The following NUDT7 variants were observed in gnomAD, a reference collection of about 807,000 sequenced individuals.
The protein encoded by NUDT7 is peroxisomal coenzyme A diphosphatase NUDT7.
A neutral mutation model predicts 13.1 loss-of-function variants in NUDT7; 19 were observed. That is an observed-to-expected ratio of 1.45 (90% CI 1.01 to 2.13). The LOEUF (loss-of-function observed/expected upper bound fraction) is 2.13. NUDT7 is among the 30% of genes most tolerant of loss of function. The probability of loss-of-function intolerance (pLI) is 0.00; values close to 1 mark genes in which losing one functional copy is unlikely to be tolerated. For missense variants in NUDT7, 360 were observed against 291.7 expected (o/e 1.23, Z -1.71); for synonymous variants, 132 against 109.7 (o/e 1.20, Z -1.27).
At chr16:77,738,655 A>T (rs1451985557) in intron 3 of NUDT7, among the ~76,000 whole-genome samples, 1 of 151,804 alleles carries the variant, frequency 6.6e-6, no homozygotes, top group Admixed American at 6.6e-5. Context: ...GCTCACTGCA[A>T]CCTCCACCTC....
At position 77,725,478 on chromosome 16, in the gene NUDT7, T is replaced by G; in HGVS notation, c.83T>G (p.Ile28Ser). 1.2e-6 allele frequency: 2 copies of G among 1,613,906 alleles called. No individual in the cohort carries two copies. Among genetic ancestry groups the G allele is most frequent in the Non-Finnish European group, 1.7e-6 (2 of 1,179,856 alleles). Reference sequence around the variant, plus strand: ...AAGGCCCGCTTAAGAAAGTATGATATTGGAGGCAAATATTCTCACTTGCCA... The same window carrying G: ...AAGGCCCGCTTAAGAAAGTATGATAGTGGAGGCAAATATTCTCACTTGCCA... The part of the protein sequence containing the change: ...DAKARLRKYD[I>S]GGKYSHLPYN... The change falls in exon 2 of 4, where the codon ATT becomes AGT. Residue 28 changes from isoleucine to serine, a missense_variant. Ile to Ser is a moderately radical substitution (Grantham distance 142, BLOSUM62 -2). Transcript: ENST00000268533.
chr16:77,737,011 G>A (rs1257997858), intron 3 of NUDT7, among the ~76,000 whole-genome samples: 1 of 151,480 alleles, frequency 6.6e-6, no homozygotes, highest in East Asian at 1.9e-4. Context: ...GAAACCATAG[G>A]AAACTAGACC....
At position 77,735,974 on chromosome 16, in the gene NUDT7, A is replaced by G. The variant is rs1269440200; in HGVS notation, c.336A>G (p.Pro112=). Residue 112 remains proline, a synonymous_variant, in exon 3 of 4, where the codon CCA becomes CCG. Transcript: ENST00000268533. ...HQVEVVCCLV[P]CLIDTDTLIT... ...TGGAAGTTGTCTGCTGCCTGGTGCC[A>G]TGTCTTATTGATGTAAGGGTTTCCT... is the stretch of plus-strand genomic sequence containing the variant. The G allele has an allele frequency of 2.5e-6, 4 of 1,613,888 alleles. No individual in the cohort carries two copies. The African/African-American group carries it at 4.0e-5, about 16-fold the overall frequency.
At chr16:77,725,810 C>A (rs553684651) in intron 2 of NUDT7, among the ~76,000 whole-genome samples, 1 of 152,224 alleles carries the variant, frequency 6.6e-6, no homozygotes, top group Non-Finnish European at 1.5e-5. Context: ...AACGCTTTCA[C>A]ACTAGGGTTA....
chr16:77,739,538 A>T (rs1271969904), intron 3 of NUDT7, among the ~76,000 whole-genome samples: 1 of 152,146 alleles, frequency 6.6e-6, no homozygotes, highest in East Asian at 1.9e-4. Context: ...TTTCATTGCC[A>T]TCTTGGTTTT....
At chr16:77,725,704 G>A (rs2014114433) in intron 2 of NUDT7, 120 bp downstream of exon 2, 2 of 829,984 alleles carry the variant, frequency 2.4e-6, no homozygotes, top group South Asian at 1.9e-5. Context: ...AAATTGTGAT[G>A]TCAGAGGCAT....
rs114400696 is a variant in NUDT7, at chr16:77,733,326, G to T, written c.190-2502G>T. On this transcript the variant is annotated intron_variant, in intron 2 of 3. Transcript: ENST00000268533. Reference sequence around the variant, plus strand: ...CCAGAAGATTTGGAGTCTGGTGAGGGCCCTGTTTCAGTTCATAGATAGTCA... The same window carrying T: ...CCAGAAGATTTGGAGTCTGGTGAGGTCCCTGTTTCAGTTCATAGATAGTCA... 4.8e-3 allele frequency among the ~76,000 whole-genome samples: 737 copies of T among 152,298 alleles called. 2 individuals carry two copies. The highest frequency in any genetic ancestry group is 0.014 in the African/African-American group (584 of 41,566).
intron 1 of NUDT7, among the ~76,000 whole-genome samples, chr16:77,723,859 C>G (rs550100568): frequency 2.6e-4 from 39 of 152,074 alleles, no homozygotes; most frequent in African/African-American, 8.0e-4. Context: ...CCCAAAGTGC[C>G]GGGATTACAG....
intron 3 of NUDT7, among the ~76,000 whole-genome samples, chr16:77,741,007 A>G (rs748455214): frequency 3.3e-5 from 5 of 152,238 alleles, no homozygotes; most frequent in Non-Finnish European, 7.3e-5. Flanking sequence ...CATAAATGGG[A>G]ATATGTCATA....
Position 77,742,240 on chromosome 16 carries a change from A to G in NUDT7, c.*290A>G. ...ATCTGGCACATACTAGGCCCTTAAT[A>G]AAGATTTTTTGAATATATAACCATG... On this transcript the variant is annotated 3_prime_UTR_variant, in exon 4 of 4. Transcript: ENST00000268533. 2 of 713,790 alleles carry G rather than the reference A, an allele frequency of 2.8e-6. No individual in the cohort carries two copies. The highest frequency in any genetic ancestry group is 3.6e-6 in the Non-Finnish European group (2 of 554,202). 44.2% of individuals were successfully genotyped at this position (713,790 alleles called of 1,614,324 possible).
intron 2 of NUDT7, among the ~76,000 whole-genome samples, chr16:77,731,370 C>T (rs1218171060): frequency 1.3e-5 from 2 of 152,020 alleles, no homozygotes; most frequent in African/African-American, 4.8e-5. Context: ...ACAATGGTGG[C>T]CCCAAAAGAT....
intron 1 of NUDT7, 33 bp downstream of exon 1, chr16:77,722,650 T>C (rs1378471976): frequency 1.3e-6 from 2 of 1,574,778 alleles, no homozygotes; most frequent in Non-Finnish European, 1.7e-6. Context: ...CACCCCGAGC[T>C]TGGTCAGGCC....
At chr16:77,737,203 C>T (rs2014514376) in intron 3 of NUDT7, among the ~76,000 whole-genome samples, 1 of 152,178 alleles carries the variant, frequency 6.6e-6, no homozygotes, top group African/African-American at 2.4e-5. Context: ...CTACTAATGT[C>T]CTTTCTGTCC....
chr16:77,736,563 C>T (rs554377332), intron 3 of NUDT7: 2 of 183,402 alleles, frequency 1.1e-5, no homozygotes, highest in East Asian at 1.3e-4. Context: ...GTATAATATA[C>T]ATCAAAACAT....
At chr16:77,724,967 C>G (rs770306037) in intron 1 of NUDT7, among the ~76,000 whole-genome samples, 68 of 152,092 alleles carry the variant, frequency 4.5e-4, no homozygotes, top group Admixed American at 8.5e-4. Flanking sequence ...ATGTGACAGC[C>G]AGCGCTCCAG....
chr16:77,725,463 T>G lies in NUDT7; in HGVS notation c.68T>G (p.Leu23Ter). The G allele has an allele frequency of 6.2e-7, 1 of 1,613,692 alleles. No individual in the cohort carries two copies. Among genetic ancestry groups the G allele is most frequent in the Non-Finnish European group, 8.5e-7 (1 of 1,179,786 alleles). The change falls in exon 2 of 4, where the codon TTA (leucine) becomes TGA (stop). Residue 23 changes from leucine (L) to a stop codon, truncating the protein, a stop_gained. Coordinates refer to ENST00000268533, the MANE Select transcript of NUDT7 (RefSeq NM_001105663.3). LOFTEE classifies it high-confidence loss of function. ...TTGCTAGATGATGCTAAGGCCCGCT[T>G]AAGAAAGTATGATATTGGAGGCAAA... ...NSLLDDAKAR[L>*]RKYDIGGKYS...
chr16:77,733,974 GA>G (rs1237268452), intron 2 of NUDT7, among the ~76,000 whole-genome samples: 2 of 152,142 alleles, frequency 1.3e-5, no homozygotes, highest in Admixed American at 1.3e-4. Flanking sequence ...TAATTTTAAA[GA>G]CAGAGATAAG....
chr16:77,738,872 G>A (rs1267187752), intron 3 of NUDT7, among the ~76,000 whole-genome samples: 5 of 152,348 alleles, frequency 3.3e-5, no homozygotes, highest in Middle Eastern at 3.4e-3. Flanking sequence ...CACATCTGTG[G>A]TCGAATCCAG....
chr16:77,735,115 C>A (rs937676963), intron 2 of NUDT7, among the ~76,000 whole-genome samples: 1 of 152,108 alleles, frequency 6.6e-6, no homozygotes, highest in Non-Finnish European at 1.5e-5. Context: ...ACAAAATTAT[C>A]TGTTGATAAT....
Sources: gnomAD v4.1 joint callset for allele counts (sites outside exome capture counted in the v4.1 genomes callset) on GRCh38, gnomAD v4.1.1 for gene constraint, MANE v1.5 for transcripts, NCBI Gene and HGNC (gene_info 2026-07-23, HGNC 2026-07-21) for gene names.